Variants in NCK2 observed in about 807,000 individuals in gnomAD.
The protein encoded by NCK2 is NCK adaptor protein 2.
A neutral mutation model predicts 33.9 loss-of-function variants in NCK2; 16 were observed. The observed-to-expected ratio is 0.47, with a 90% CI of 0.32 to 0.72. The LOEUF is 0.72. Ranked by LOEUF, NCK2 falls within the 30% of genes least tolerant of loss-of-function variation. The probability of loss-of-function intolerance (pLI) is 0.03; values close to 1 mark genes in which losing one functional copy is unlikely to be tolerated. For synonymous variants in NCK2, 273 were observed against 239.9 expected (o/e 1.14, Z -1.27); for missense variants, 418 against 537.3 (o/e 0.78, Z 2.19).
intron 3 of NCK2, among the ~76,000 whole-genome samples, chr2:105,872,562 T>A (rs1382161476): frequency 6.6e-6 from 1 of 152,230 alleles, no homozygotes; most frequent in Admixed American, 6.5e-5. Context: ...ATTTCACTAG[T>A]CTGTGAGGTT....
intron 2 of NCK2, chr2:105,848,728 C>A (rs986906384): frequency 6.6e-6 from 1 of 152,158 alleles, no homozygotes; most frequent in East Asian, 1.9e-4. Flanking sequence ...TGAAACAAGC[C>A]CCTTCCCAAA....
At chr2:105,762,318 G>A (rs948547180) in intron 1 of NCK2, among the ~76,000 whole-genome samples, 3 of 152,104 alleles carry the variant, frequency 2.0e-5, no homozygotes, top group South Asian at 2.1e-4. Flanking sequence ...GTCCAGGCCC[G>A]GGCGCTTCCT....
At chr2:105,749,940 G>A (rs539208644) in intron 1 of NCK2, among the ~76,000 whole-genome samples, 135 of 152,036 alleles carry the variant, frequency 8.9e-4, no homozygotes, top group African/African-American at 3.1e-3. Context: ...TGAGTCACGC[G>A]AATTGCTTGA....
chr2:105,882,503 A>G (rs1047574623), intron 4 of NCK2, among the ~76,000 whole-genome samples: 1 of 152,208 alleles, frequency 6.6e-6, no homozygotes, highest in Non-Finnish European at 1.5e-5. Flanking sequence ...TTTGTAAACC[A>G]TATAATCCCA....
At chr2:105,758,973 C>G (rs1230558034) in intron 1 of NCK2, among the ~76,000 whole-genome samples, 1 of 152,146 alleles carries the variant, frequency 6.6e-6, no homozygotes, top group African/African-American at 2.4e-5. Context: ...GCAGACATTT[C>G]CCTTAGCTTT....
chr2:105,810,197 A>C (rs1675236306), intron 1 of NCK2, among the ~76,000 whole-genome samples: 1 of 152,200 alleles, frequency 6.6e-6, no homozygotes, highest in Admixed American at 6.5e-5. Context: ...AAAAGTTCAG[A>C]TGTTATAGAA....
intron 2 of NCK2, among the ~76,000 whole-genome samples, chr2:105,843,996 T>C (rs1295143236): frequency 6.6e-6 from 1 of 152,206 alleles, no homozygotes; most frequent in Non-Finnish European, 1.5e-5. Context: ...CTAAGCCATG[T>C]TGACCTTTGA....
chr2:105,805,760 T>A (rs941695441), intron 1 of NCK2, among the ~76,000 whole-genome samples: 5 of 152,236 alleles, frequency 3.3e-5, no homozygotes, highest in Non-Finnish European at 7.3e-5. Context: ...TCTGCGTTAT[T>A]GCAAATGGCA....
At chr2:105,828,525 T>C (rs1481122795) in intron 2 of NCK2, among the ~76,000 whole-genome samples, 1 of 152,182 alleles carries the variant, frequency 6.6e-6, no homozygotes, top group Non-Finnish European at 1.5e-5. Context: ...GTAATGACTT[T>C]GTCTCGACTC....
chr2:105,887,411 A>G (rs909096194), intron 4 of NCK2, among the ~76,000 whole-genome samples: 8 of 152,224 alleles, frequency 5.3e-5, no homozygotes, highest in Non-Finnish European at 8.8e-5. Context: ...CTCTGGGGGT[A>G]GAAGGAGATG....
intron 1 of NCK2, among the ~76,000 whole-genome samples, chr2:105,762,055 G>T (rs1309542277): frequency 6.6e-6 from 1 of 152,150 alleles, no homozygotes; most frequent in African/African-American, 2.4e-5. Context: ...GGTTTTGGTG[G>T]CTTTCTGTAG....
chr2:105,881,682 C>G lies in NCK2; in HGVS notation c.581C>G (p.Ser194Cys). 7 of 1,613,894 alleles carry G rather than the reference C, an allele frequency of 4.3e-6. No homozygotes were observed. Among genetic ancestry groups the G allele is most frequent in the Non-Finnish European group, 4.2e-6 (5 of 1,179,858 alleles). ...GCCTCGCTGAGCAATGGCCAGGGCT[C>G]CCGCGTGCTGCATGTGGTCCAGACG... ...KGASLSNGQGSRVLHVVQTLY... is the reference protein window; with the variant it reads ...KGASLSNGQGCRVLHVVQTLY... Residue 194 changes from serine (S) to cysteine (C), a missense_variant, in exon 4 of 5, where the codon TCC (serine) becomes TGC (cysteine). By Grantham distance (112) the Ser-to-Cys change is moderately radical. Transcript: ENST00000233154.
chr2:105,886,928 G>C (rs1678744236), intron 4 of NCK2, among the ~76,000 whole-genome samples: 1 of 152,180 alleles, frequency 6.6e-6, no homozygotes, highest in Non-Finnish European at 1.5e-5. Flanking sequence ...AAGTTAATGA[G>C]ATGAATATTT....
At chr2:105,754,524 A>G (rs531543303) in intron 1 of NCK2, among the ~76,000 whole-genome samples, 45 of 152,300 alleles carry the variant, frequency 3.0e-4, no homozygotes, top group African/African-American at 9.6e-4. Context: ...GCTACAGGAG[A>G]GGAGAGCAGT....
intron 1 of NCK2, among the ~76,000 whole-genome samples, chr2:105,748,727 T>G (rs531818727): frequency 1.9e-3 from 295 of 152,308 alleles, no homozygotes; most frequent in Admixed American, 2.4e-3. Flanking sequence ...CCTATGGTTT[T>G]TTTGCCTTCA....
At chr2:105,789,128 C>T (rs1690783820) in intron 1 of NCK2, among the ~76,000 whole-genome samples, 1 of 152,168 alleles carries the variant, frequency 6.6e-6, no homozygotes, top group African/African-American at 2.4e-5. Flanking sequence ...GGACCCTCGG[C>T]TCCCATAGCG....
intron 2 of NCK2, among the ~76,000 whole-genome samples, chr2:105,838,123 A>G (rs1348039129): frequency 6.6e-6 from 1 of 152,054 alleles, no homozygotes; most frequent in Non-Finnish European, 1.5e-5. Flanking sequence ...TGTACCAGCA[A>G]TAGATAACCA....
chr2:105,777,159 T>C (rs1252487581), intron 1 of NCK2, among the ~76,000 whole-genome samples: 3 of 152,138 alleles, frequency 2.0e-5, no homozygotes, highest in Non-Finnish European at 4.4e-5. Flanking sequence ...CGGCTGTCAC[T>C]GGGCACTCCA....
chr2:105,857,740 A>G (rs548542900), intron 3 of NCK2, among the ~76,000 whole-genome samples: 11 of 152,342 alleles, frequency 7.2e-5, no homozygotes, highest in African/African-American at 2.6e-4. Flanking sequence ...AAATATCCCC[A>G]TGGTTAGTAT....
Sources: gnomAD v4.1 joint callset for allele counts (sites outside exome capture counted in the v4.1 genomes callset) on GRCh38, gnomAD v4.1.1 for gene constraint, MANE v1.5 for transcripts, NCBI Gene and HGNC (gene_info 2026-07-23, HGNC 2026-07-21) for gene names.